The following RASSF3 variants were observed in gnomAD, a reference collection of about 807,000 sequenced individuals.
The protein encoded by RASSF3 is Ras association domain family member 3, also known as ras association domain-containing protein 3.
A neutral mutation model predicts 19.9 loss-of-function variants in RASSF3; 19 were observed. The observed-to-expected ratio is 0.96, with a 90% CI of 0.67 to 1.40. RASSF3 has a LOEUF of 1.40. Among genes scored for constraint, RASSF3 ranks in the 40% most tolerant of loss-of-function variants. The pLI, the probability that RASSF3 is intolerant of heterozygous loss-of-function variation, is 0.00. For synonymous variants in RASSF3, 110 were observed against 104.2 expected (o/e 1.06, Z -0.34); for missense variants, 306 against 289.8 (o/e 1.06, Z -0.41).
At chr12:64,554,901 C>T (rs1391854274) in intron 2 of RASSF3, among the ~76,000 whole-genome samples, 1 of 152,028 alleles carries the variant, frequency 6.6e-6, no homozygotes, top group Non-Finnish European at 1.5e-5. Flanking sequence ...ATGAATAATG[C>T]ATTTTGAAAA....
chr12:64,643,144 G>A (rs545537642), intron 1 of RASSF3, among the ~76,000 whole-genome samples: 30 of 152,160 alleles, frequency 2.0e-4, no homozygotes, highest in African/African-American at 6.7e-4. Context: ...GGGATCACCG[G>A]TGTGAGCCAT....
chr12:64,599,876 C>CA (rs1239399879), intron 2 of RASSF3, among the ~76,000 whole-genome samples: 1 of 151,328 alleles, frequency 6.6e-6, no homozygotes, highest in Non-Finnish European at 1.5e-5. Flanking sequence ...ACTAAAAATA[C>CA]AAAAAATTAG....
intron 1 of RASSF3, among the ~76,000 whole-genome samples, chr12:64,682,566 CAAA>C (rs549058845): frequency 1.2e-5 from 1 of 81,264 alleles, no homozygotes. Context: ...GACTCCGTCT[CAAA>C]AAAAAAAAAA....
chr12:64,551,346 G>A (rs762318671), intron 2 of RASSF3, among the ~76,000 whole-genome samples: 2 of 152,122 alleles, frequency 1.3e-5, no homozygotes, highest in African/African-American at 2.4e-5. Context: ...AGGCTGAGGC[G>A]AGTGGATCAC....
At chr12:64,591,842 T>A (rs1869928899) in intron 2 of RASSF3, among the ~76,000 whole-genome samples, 1 of 152,122 alleles carries the variant, frequency 6.6e-6, no homozygotes, top group Admixed American at 6.6e-5. Flanking sequence ...TTCCATTATG[T>A]GTTCTCATCT....
intron 2 of RASSF3, among the ~76,000 whole-genome samples, chr12:64,598,041 C>A (rs1042876008): frequency 1.4e-4 from 22 of 152,196 alleles, no homozygotes; most frequent in Middle Eastern, 3.4e-3. Flanking sequence ...CCACACCTCC[C>A]GAGTAGCTGG....
At chr12:64,664,334 A>G (rs1442203622) in intron 1 of RASSF3, among the ~76,000 whole-genome samples, 1 of 152,212 alleles carries the variant, frequency 6.6e-6, no homozygotes, top group African/African-American at 2.4e-5. Flanking sequence ...TTACCCTAAT[A>G]ATTTTTAAGA....
chr12:64,676,166 A>ATTTT (rs35376691), intron 1 of RASSF3, among the ~76,000 whole-genome samples: 69 of 106,394 alleles, frequency 6.5e-4, no homozygotes, highest in African/African-American at 1.2e-3. Context: ...CAGGAGTAGA[A>ATTTT]TTTTTTTTTT....
intron 1 of RASSF3, among the ~76,000 whole-genome samples, chr12:64,631,274 C>A (rs1270270244): frequency 6.6e-6 from 1 of 152,082 alleles, no homozygotes; most frequent in Non-Finnish European, 1.5e-5. Context: ...AGGGCTTGGC[C>A]ATGGGACAAG....
At chr12:64,650,169 T>C (rs928907154) in intron 1 of RASSF3, among the ~76,000 whole-genome samples, 1 of 152,230 alleles carries the variant, frequency 6.6e-6, no homozygotes, top group Non-Finnish European at 1.5e-5. Flanking sequence ...CCTTTAATTC[T>C]ATCTTGGATT....
chr12:64,536,534 A>G (rs1868830829), intron 1 of RASSF3, among the ~76,000 whole-genome samples: 1 of 152,216 alleles, frequency 6.6e-6, no homozygotes, highest in African/African-American at 2.4e-5. Flanking sequence ...TATCACATAG[A>G]CACACATAAA....
At chr12:64,610,809 C>A in intron 1 of RASSF3, 66 bp downstream of exon 1, 5 of 999,372 alleles carry the variant, frequency 5.0e-6, no homozygotes, top group Non-Finnish European at 7.2e-6. Flanking sequence ...CCAGCCCGCG[C>A]CCCCTGCCTC....
intron 1 of RASSF3, among the ~76,000 whole-genome samples, chr12:64,678,104 G>A (rs77686072): frequency 6.6e-6 from 1 of 152,160 alleles, no homozygotes; most frequent in Non-Finnish European, 1.5e-5. Flanking sequence ...ATCTAGAGGA[G>A]TCAAGACCTA....
chr12:64,559,248 T>TC (rs1344384254), intron 2 of RASSF3, among the ~76,000 whole-genome samples: 2 of 145,240 alleles, frequency 1.4e-5, no homozygotes, highest in Non-Finnish European at 3.0e-5. Flanking sequence ...CTTTTTTTCT[T>TC]TTTTTTTTTT....
chr12:64,652,193 T>C (rs377166260), intron 1 of RASSF3, among the ~76,000 whole-genome samples: 46 of 151,632 alleles, frequency 3.0e-4, no homozygotes, highest in African/African-American at 1.1e-3. Flanking sequence ...GAGGTTCTAA[T>C]GGCAAAATTA....
At chr12:64,507,612 A>G in intron 1 of RASSF3, 1 of 247,148 alleles carries the variant, frequency 4.0e-6, no homozygotes, top group Non-Finnish European at 7.6e-6. Flanking sequence ...GAGATGGAGA[A>G]TGTTTAGTAT....
intron 2 of RASSF3, among the ~76,000 whole-genome samples, chr12:64,568,426 A>G (rs576575779): frequency 1.3e-5 from 2 of 152,302 alleles, no homozygotes; most frequent in South Asian, 2.1e-4. Flanking sequence ...CCTTTCTTCT[A>G]TTACAACAGA....
chr12:64,540,934 C>A (rs1868923571), intron 1 of RASSF3, among the ~76,000 whole-genome samples: 1 of 151,980 alleles, frequency 6.6e-6, no homozygotes, highest in Non-Finnish European at 1.5e-5. Context: ...CCACACCTGG[C>A]AAATTTTTGT....
chr12:64,592,098 A>C lies in RASSF3; in HGVS notation c.294+50393A>C, dbSNP rs148667201. On this transcript the variant is annotated intron_variant, in intron 2 of 5. Coordinates refer to the RASSF3 transcript ENST00000637125. ...GTAATTTTTGTAAAGAGGAGGTTTC[A>C]CCATGTTGCCCAGGCTGGTCTTGAA... 1.8e-3 allele frequency among the ~76,000 whole-genome samples: 273 copies of C among 152,230 alleles called. 1 individual carries two copies. The highest frequency in any genetic ancestry group is 6.4e-3 in the African/African-American group (266 of 41,550).
Sources: gnomAD v4.1 joint callset for allele counts (sites outside exome capture counted in the v4.1 genomes callset) on GRCh38, gnomAD v4.1.1 for gene constraint, MANE v1.5 for transcripts, NCBI Gene and HGNC (gene_info 2026-07-23, HGNC 2026-07-21) for gene names.